TLK2: variants seen among roughly 807,000 people sequenced by gnomAD.
TLK2 encodes serine/threonine-protein kinase tousled-like 2.
A neutral mutation model predicts 117.3 loss-of-function variants in TLK2; 6 were observed. The observed-to-expected ratio is 0.05, with a 90% CI of 0.03 to 0.10. The LOEUF (loss-of-function observed/expected upper bound fraction) is 0.10, where lower values mean the gene tolerates loss of function less well. Ranked by LOEUF, TLK2 falls within the 10% of genes least tolerant of loss-of-function variation. TLK2 has a pLI of 1.00. For synonymous variants in TLK2, 257 were observed against 316.7 expected, an observed-to-expected ratio of 0.81 and a Z score of 2.00; for missense variants, 299 against 901.2, an observed-to-expected ratio of 0.33 and a Z score of 8.56.
chr17:62,513,224 G>A (rs1476403921), intron 2 of TLK2, among the ~76,000 whole-genome samples: 1 of 147,692 alleles, frequency 6.8e-6, no homozygotes, highest in Non-Finnish European at 1.5e-5. Flanking sequence ...TTTTTGTTTT[G>A]TTTTGTTTGT....
At chr17:62,538,119 TC>T (rs2077245554) in intron 7 of TLK2, among the ~76,000 whole-genome samples, 1 of 143,752 alleles carries the variant, frequency 7.0e-6, no homozygotes, top group Non-Finnish European at 1.5e-5. Flanking sequence ...CACTGCAAGC[TC>T]TGCCTCTCGG....
chr17:62,582,770 A>G (rs549811271), intron 15 of TLK2, among the ~76,000 whole-genome samples: 1 of 152,324 alleles, frequency 6.6e-6, no homozygotes, highest in South Asian at 2.1e-4. Flanking sequence ...GAAACTCTGT[A>G]GCCATTAACC....
chr17:62,519,714 T>G (rs955344975), intron 2 of TLK2, among the ~76,000 whole-genome samples: 4 of 152,204 alleles, frequency 2.6e-5, no homozygotes, highest in African/African-American at 9.7e-5. Context: ...AATTATTTTC[T>G]TCATTTTCAG....
At chr17:62,475,650 A>G (rs1483494374), upstream of TLK2, among the ~76,000 whole-genome samples, 1 of 149,040 alleles carries the variant, frequency 6.7e-6, no homozygotes, top group Non-Finnish European at 1.5e-5. Flanking sequence ...AGGCCCAATG[A>G]TTATTTTAAA....
At chr17:62,491,839 C>T (rs553272892) in intron 2 of TLK2, among the ~76,000 whole-genome samples, 1 of 152,320 alleles carries the variant, frequency 6.6e-6, no homozygotes, top group Non-Finnish European at 1.5e-5. Flanking sequence ...CCGTCTTGGC[C>T]TCCCAAAGCA....
At chr17:62,538,134 C>A (rs1203971341) in intron 7 of TLK2, among the ~76,000 whole-genome samples, 1 of 141,016 alleles carries the variant, frequency 7.1e-6, no homozygotes, top group Non-Finnish European at 1.5e-5. Context: ...CTCTCGGGTT[C>A]ACGCCATTCT....
intron 2 of TLK2, among the ~76,000 whole-genome samples, chr17:62,517,990 G>A (rs1305155752): frequency 1.3e-5 from 2 of 152,156 alleles, no homozygotes; most frequent in South Asian, 2.1e-4. Context: ...GAGCCATTGC[G>A]TCCGGCATGT....
intron 2 of TLK2, among the ~76,000 whole-genome samples, chr17:62,490,361 C>G (rs1210660819): frequency 6.6e-6 from 1 of 152,086 alleles, no homozygotes; most frequent in Non-Finnish European, 1.5e-5. Flanking sequence ...CTACATAAAC[C>G]TATACGTTGA....
intron 7 of TLK2, among the ~76,000 whole-genome samples, chr17:62,548,010 T>TAAATTAAATTAAATTA (rs1237979811): frequency 2.6e-5 from 4 of 152,190 alleles, no homozygotes; most frequent in Non-Finnish European, 4.4e-5. Flanking sequence ...GCATTATGGG[T>TAAATTAAATTAAATTA]AATTAAAGTC....
chr17:62,500,679 G>A (rs1422367191), intron 2 of TLK2, among the ~76,000 whole-genome samples: 1 of 152,082 alleles, frequency 6.6e-6, no homozygotes, highest in African/African-American at 2.4e-5. Context: ...AAGTGCACAT[G>A]GAACATTTAC....
In TLK2 at chr17:62,596,696, CTTAACAGT is replaced by C. The variant is rs754621826; in HGVS notation, c.1550+24_1550+31del. On this transcript the variant is annotated intron_variant, in intron 17 of 21. Coordinates refer to ENST00000346027, the MANE Select transcript of TLK2 (RefSeq NM_006852.6). Reference sequence around the variant, plus strand: ...ACTCGTAAGTGCTGTGCTGTTTTACCTTAACAGTTATATTATTTTCTTGCAATGCTGAT... The same window carrying C: ...ACTCGTAAGTGCTGTGCTGTTTTACCTATATTATTTTCTTGCAATGCTGAT... The C allele has an allele frequency of 4.4e-6, 7 of 1,594,840 alleles. No individual in the cohort carries two copies. The East Asian group carries it at 1.6e-4, about 36-fold the overall frequency.
chr17:62,541,994 T>G (rs562205693), intron 7 of TLK2, among the ~76,000 whole-genome samples: 1 of 152,236 alleles, frequency 6.6e-6, no homozygotes, highest in Non-Finnish European at 1.5e-5. Context: ...CACTTTTAAC[T>G]TTATGGCATT....
At chr17:62,540,533 GGATTAC>G (rs1342695206) in intron 7 of TLK2, among the ~76,000 whole-genome samples, 12 of 147,488 alleles carry the variant, frequency 8.1e-5, no homozygotes, top group Admixed American at 5.6e-4. Flanking sequence ...CAAGTAACTG[GGATTAC>G]AGGCGCGTAC....
intron 11 of TLK2, among the ~76,000 whole-genome samples, chr17:62,566,251 G>GT (rs907004048): frequency 1.3e-5 from 2 of 151,278 alleles, no homozygotes; most frequent in African/African-American, 2.4e-5. Context: ...TCTTTCCTGT[G>GT]TTTTTTTGCT....
intron 7 of TLK2, among the ~76,000 whole-genome samples, chr17:62,538,669 C>A (rs1164468485): frequency 6.6e-6 from 1 of 152,102 alleles, no homozygotes; most frequent in Non-Finnish European, 1.5e-5. Flanking sequence ...ATGCTATAGC[C>A]GTGTTGTTCT....
At chr17:62,562,219 G>A (rs2079341728) in intron 10 of TLK2, among the ~76,000 whole-genome samples, 1 of 152,146 alleles carries the variant, frequency 6.6e-6, no homozygotes, top group African/African-American at 2.4e-5. Flanking sequence ...AATTGGCTGA[G>A]TGTGGGGGTG....
intron 7 of TLK2, among the ~76,000 whole-genome samples, chr17:62,547,864 G>A (rs1280336650): frequency 2.6e-5 from 4 of 152,124 alleles, no homozygotes; most frequent in African/African-American, 9.7e-5. Context: ...GACCCGGGTA[G>A]GCTGATGATC....
intron 21 of TLK2, among the ~76,000 whole-genome samples, chr17:62,608,797 C>T (rs986459581): frequency 1.3e-5 from 2 of 151,940 alleles, no homozygotes; most frequent in South Asian, 2.1e-4. Flanking sequence ...TAGGGTTAAA[C>T]GTCAGGTGAA....
At chr17:62,474,570 C>T (rs1244146405), upstream of TLK2, among the ~76,000 whole-genome samples, 7 of 151,448 alleles carry the variant, frequency 4.6e-5, no homozygotes, top group South Asian at 4.2e-4. Context: ...CCACCACACC[C>T]GGCTAATTTT....
Sources: allele counts gnomAD v4.1 joint callset (sites outside exome capture counted in the v4.1 genomes callset), GRCh38; gene constraint gnomAD v4.1.1; transcripts MANE v1.5; gene names NCBI Gene and HGNC (gene_info 2026-07-23, HGNC 2026-07-21).